MOK: variants seen among roughly 807,000 people sequenced by gnomAD.
MOK encodes the protein MOK protein kinase.
A neutral mutation model predicts 54.2 loss-of-function variants in MOK; 59 were observed. The ratio of observed to expected loss-of-function variants is 1.09; its 90% CI spans 0.88 to 1.35. MOK has a LOEUF of 1.35. Ranked by LOEUF, MOK falls within the 40% of genes most tolerant of loss-of-function variation. The pLI, the probability that MOK is intolerant of heterozygous loss-of-function variation, is 0.00. For synonymous variants in MOK, 210 were observed against 202.7 expected, an observed-to-expected ratio of 1.04 and a Z score of -0.31; for missense variants, 517 against 526.2, an observed-to-expected ratio of 0.98 and a Z score of 0.17.
At chr14:102,255,734 T>C (rs1236651092) in intron 4 of MOK, among the ~76,000 whole-genome samples, 1 of 152,200 alleles carries the variant, frequency 6.6e-6, no homozygotes, top group Non-Finnish European at 1.5e-5. Context: ...TTCAAACAGT[T>C]TGAAACAAGT....
chr14:102,280,008 T>A (rs2069249300), intron 2 of MOK, among the ~76,000 whole-genome samples: 1 of 151,818 alleles, frequency 6.6e-6, no homozygotes, highest in Non-Finnish European at 1.5e-5. Flanking sequence ...ATGCTTCACA[T>A]TCCTCACACC....
At chr14:102,265,014 G>A (rs1156519259) in intron 3 of MOK, among the ~76,000 whole-genome samples, 1 of 152,206 alleles carries the variant, frequency 6.6e-6, no homozygotes, top group Non-Finnish European at 1.5e-5. Flanking sequence ...CAGGCACCGA[G>A]GGACAAGCTG....
intron 7 of MOK, among the ~76,000 whole-genome samples, chr14:102,246,894 C>T (rs1366239850): frequency 2.0e-5 from 3 of 151,790 alleles, no homozygotes; most frequent in East Asian, 1.9e-4. Flanking sequence ...CAACTTACAC[C>T]GCACAACTCA....
chr14:102,258,523 T>C (rs2067147204), intron 4 of MOK, among the ~76,000 whole-genome samples: 1 of 152,236 alleles, frequency 6.6e-6, no homozygotes, highest in Admixed American at 6.5e-5. Context: ...GAGCTCCACA[T>C]GGGTGGGAAC....
rs1046597761 is a variant in MOK, at chr14:102,245,232, C to G, written c.590+5580G>C. Among the ~76,000 whole-genome samples, 2 of 152,134 alleles carry G rather than the reference C, an allele frequency of 1.3e-5. No individual in the cohort carries two copies. Among genetic ancestry groups the G allele is most frequent in the Non-Finnish European group, 2.9e-5 (2 of 68,040 alleles). On this transcript the variant is annotated intron_variant, in intron 7 of 11. Transcript: ENST00000361847. The surrounding 1 kb of genome is among the most constrained non-coding windows in gnomAD (Gnocchi z 4.3). ...CACCCATTACCCCAAAATCTTCCTT[C>G]AGCTGAATCTCTCCCACTCCAGGTT...
chr14:102,299,167 G>GA (rs112937903), intron 1 of MOK, among the ~76,000 whole-genome samples: 38 of 146,434 alleles, frequency 2.6e-4, no homozygotes, highest in African/African-American at 4.2e-4. Context: ...TTCCATGGCG[G>GA]AAAAAAAAAA....
rs577695282 is a variant in MOK at position 102,231,578 on chromosome 14, G to C, written c.981+129C>G. On this transcript the variant is annotated intron_variant, in intron 10 of 11. Coordinates refer to ENST00000361847, the MANE Select transcript of MOK (RefSeq NM_014226.3). This position sits in a 1 kb window ranked among gnomAD's most constrained non-coding sequence, Gnocchi z 4.4. ...GAGCCATCAACTCGCATGCTGTTCA[G>C]GCCTCGACTGACAATGTGGTCTGCC... 8 of 752,676 alleles carry C rather than the reference G, an allele frequency of 1.1e-5. No individual in the cohort carries two copies. The South Asian group carries it at 1.3e-4, about 13-fold the overall frequency. 46.6% of individuals were successfully genotyped at this position (752,676 alleles called of 1,614,324 possible).
rs753589880 is a variant in MOK at position 102,231,872 on chromosome 14, C to A, written c.867-51G>T. 1 of 1,484,910 alleles carries A rather than the reference C, an allele frequency of 6.7e-7. No homozygotes were observed. The highest frequency in any genetic ancestry group is 9.3e-7 in the Non-Finnish European group (1 of 1,070,252). 92.0% of individuals were successfully genotyped at this position (1,484,910 alleles called of 1,614,324 possible). On this transcript the variant is annotated intron_variant, in intron 9 of 11. Coordinates refer to ENST00000361847, the MANE Select transcript of MOK (RefSeq NM_014226.3). This position sits in a 1 kb window ranked among gnomAD's most constrained non-coding sequence, Gnocchi z 4.4. The stretch of plus-strand genomic sequence containing the variant: ...GCAGCTCCACTGAGAGCCCGCAGAG[C>A]ACACGGCCTACTGGCTTCTTTGTCT...
chr14:102,230,146 C>G lies in MOK; in HGVS notation c.982-489G>C, dbSNP rs1158509229. The G allele has an allele frequency of 6.4e-6, 1 of 156,840 alleles. No individual in the cohort carries two copies. The highest frequency in any genetic ancestry group is 1.4e-5 in the Non-Finnish European group (1 of 70,928). 9.7% of individuals were successfully genotyped at this position (156,840 alleles called of 1,614,324 possible). On this transcript the variant is annotated intron_variant, in intron 10 of 11. Coordinates refer to ENST00000361847, the MANE Select transcript of MOK (RefSeq NM_014226.3). This position sits in a 1 kb window ranked among gnomAD's most constrained non-coding sequence, Gnocchi z 4.1. Reference sequence around the variant, plus strand: ...GTAGCCTCAGCTTCCTAGGCTCAGGCGATCCTCCTGCCTCAGCCTCCCAAG... The same window carrying G: ...GTAGCCTCAGCTTCCTAGGCTCAGGGGATCCTCCTGCCTCAGCCTCCCAAG...
At chr14:102,293,850 C>CA (rs2071080289) in intron 1 of MOK, among the ~76,000 whole-genome samples, 1 of 151,792 alleles carries the variant, frequency 6.6e-6, no homozygotes, top group African/African-American at 2.4e-5. Context: ...TCAATGTTCG[C>CA]AATGAATACA....
rs75479939 is a variant in MOK at position 102,235,977 on chromosome 14, C to T, written c.591-2188G>A. Among the ~76,000 whole-genome samples the T allele has an allele frequency of 4.6e-3, 700 of 152,294 alleles. 6 individuals are homozygous for T. Among genetic ancestry groups the T allele is most frequent in the African/African-American group, 0.016 (649 of 41,556 alleles). ...GTATCACCCAAGGGCACAAAAGACC[C>T]GATAGCAGCAACCCTCCGGGCCTTG... On this transcript the variant is annotated intron_variant, in intron 7 of 11. Coordinates refer to ENST00000361847, the MANE Select transcript of MOK (RefSeq NM_014226.3). This position sits in a 1 kb window ranked among gnomAD's most constrained non-coding sequence, Gnocchi z 4.4.
chr14:102,254,132 C>A (rs1315183920), intron 4 of MOK, among the ~76,000 whole-genome samples: 1 of 152,008 alleles, frequency 6.6e-6, no homozygotes, highest in Non-Finnish European at 1.5e-5. Flanking sequence ...TTACAGGCAC[C>A]CGCCACCACT....
intron 1 of MOK, among the ~76,000 whole-genome samples, chr14:102,293,701 C>CAAAAAAAAAAAAAAAAAAAAAACAAAAAA (rs2071035786): frequency 1.8e-5 from 1 of 54,600 alleles, no homozygotes; most frequent in African/African-American, 5.8e-5. Context: ...AACTCCATCA[C>CAAAAAAAAAAAAAAAAAAAAAACAAAAAA]AAAAAAAAAA....
chr14:102,296,435 T>G (rs924725329), intron 1 of MOK, among the ~76,000 whole-genome samples: 1 of 152,128 alleles, frequency 6.6e-6, no homozygotes, highest in Non-Finnish European at 1.5e-5. Flanking sequence ...TGTGTGTATA[T>G]ACACAAAAAT....
chr14:102,261,440 T>C (rs1310581264), intron 4 of MOK, among the ~76,000 whole-genome samples: 1 of 100,204 alleles, frequency 1.0e-5, no homozygotes, highest in Middle Eastern at 6.3e-3. Flanking sequence ...TATATATATA[T>C]ATATATATAT....
intron 1 of MOK, among the ~76,000 whole-genome samples, chr14:102,286,963 T>TAC (rs998914273): frequency 6.6e-6 from 1 of 151,338 alleles, no homozygotes; most frequent in Non-Finnish European, 1.5e-5. Context: ...TTAAAAACTA[T>TAC]ACACACACAC....
At chr14:102,222,957 G>A (rs113092506), downstream of MOK, 480 of 1,584,528 alleles carry the variant, frequency 3.0e-4, no homozygotes, top group Non-Finnish European at 3.4e-4. This position sits in a 1 kb window ranked among gnomAD's most constrained non-coding sequence, Gnocchi z 4.4. Flanking sequence ...TCCGAGCTGC[G>A]CCTGAGCCGT....
chr14:102,301,448 C>T (rs1208981901), intron 1 of MOK, among the ~76,000 whole-genome samples: 1 of 152,170 alleles, frequency 6.6e-6, no homozygotes, highest in Admixed American at 6.6e-5. Context: ...TAACACACCC[C>T]TAAACACAGG....
At chr14:102,300,728 C>T (rs1276512721) in intron 1 of MOK, among the ~76,000 whole-genome samples, 4 of 152,256 alleles carry the variant, frequency 2.6e-5, no homozygotes, top group African/African-American at 9.6e-5. Flanking sequence ...AGACACTGTG[C>T]TATGAGCTTT....
Sources: gnomAD v4.1 joint callset for allele counts (sites outside exome capture counted in the v4.1 genomes callset) on GRCh38, gnomAD v4.1.1 for gene constraint, Gnocchi (gnomAD v3.1) non-coding constraint, MANE v1.5 for transcripts, NCBI Gene and HGNC (gene_info 2026-07-23, HGNC 2026-07-21) for gene names.